The following STAG1 variants were observed in gnomAD, a reference collection of about 807,000 sequenced individuals.
STAG1 encodes STAG1 cohesin complex component.
STAG1 carries 26 observed loss-of-function variants against 170.9 expected under a neutral mutation model. The ratio of observed to expected loss-of-function variants is 0.15; its 90% CI spans 0.11 to 0.21. The LOEUF (loss-of-function observed/expected upper bound fraction) is 0.21. Ranked by LOEUF, STAG1 falls within the 10% of genes least tolerant of loss-of-function variation. The pLI, the probability that STAG1 is intolerant of heterozygous loss-of-function variation, is 1.00. For synonymous variants in STAG1, 514 were observed against 497.7 expected, an observed-to-expected ratio of 1.03 and a Z score of -0.44; for missense variants, 964 against 1,509.5, an observed-to-expected ratio of 0.64 and a Z score of 5.99.
At chr3:136,409,669 A>G (rs1005357537) in intron 21 of STAG1, among the ~76,000 whole-genome samples, 14 of 152,076 alleles carry the variant, frequency 9.2e-5, no homozygotes, top group African/African-American at 3.4e-4. Context: ...CGCCCCCTAC[A>G]TTACACTCAG....
At chr3:136,751,861 T>C (rs1935271332) in intron 1 of STAG1, among the ~76,000 whole-genome samples, 1 of 150,166 alleles carries the variant, frequency 6.7e-6, no homozygotes, top group Non-Finnish European at 1.5e-5. Flanking sequence ...CCACAAAGGC[T>C]TCCGCGCCTG....
intron 14 of STAG1, among the ~76,000 whole-genome samples, chr3:136,448,379 C>T (rs1022934073): frequency 1.3e-5 from 2 of 152,002 alleles, no homozygotes; most frequent in Non-Finnish European, 2.9e-5. Flanking sequence ...ACCGGGGACG[C>T]CTCACAATCA....
In STAG1 at chr3:136,398,829, T is replaced by C. The variant is rs771493308; in HGVS notation, c.2197A>G (p.Ile733Val). Residue 733 changes from isoleucine (I) to valine (V), a missense_variant and splice_region_variant, in exon 22 of 34, where the codon ATA becomes GTA. This residue lies in a region of STAG1 where 232 missense variants were observed against 313.0 expected (regional missense o/e 0.74). Coordinates refer to ENST00000383202, the MANE Select transcript of STAG1 (RefSeq NM_005862.3). The part of the protein sequence containing the change: ...GIEHGAMPEQ[I>V]VVQALQCSHY... ...GAACACTGCAGTGCTTGCACGACTATCTGTATCAAATGAAAAAAAATTTTT... is the reference window on the plus strand; with the variant it reads ...GAACACTGCAGTGCTTGCACGACTACCTGTATCAAATGAAAAAAAATTTTT... 4 of 1,552,954 alleles carry C rather than the reference T, an allele frequency of 2.6e-6. No individual in the cohort carries two copies. Among genetic ancestry groups the C allele is most frequent in the South Asian group, 2.5e-5 (2 of 80,046 alleles).
At chr3:136,453,653 G>A (rs1164039482) in intron 13 of STAG1, among the ~76,000 whole-genome samples, 1 of 151,482 alleles carries the variant, frequency 6.6e-6, no homozygotes, top group East Asian at 1.9e-4. Context: ...AGGTAAAAGG[G>A]AATCTTAGGA....
chr3:136,656,141 G>A (rs986292596), intron 1 of STAG1, among the ~76,000 whole-genome samples: 1 of 151,006 alleles, frequency 6.6e-6, no homozygotes, highest in East Asian at 1.9e-4. Flanking sequence ...TATGCTAAGT[G>A]AAATTAGCGA....
intron 1 of STAG1, among the ~76,000 whole-genome samples, chr3:136,691,896 G>C (rs1401416133): frequency 6.6e-6 from 1 of 152,162 alleles, no homozygotes; most frequent in Non-Finnish European, 1.5e-5. Context: ...CAGAACTTGA[G>C]AGAAATAGAA....
intron 13 of STAG1, among the ~76,000 whole-genome samples, chr3:136,457,499 A>G (rs376004855): frequency 3.3e-5 from 5 of 152,152 alleles, no homozygotes; most frequent in African/African-American, 1.2e-4. Flanking sequence ...ACCAATAAAT[A>G]GTGTGGGCTC....
chr3:136,504,918 A>G (rs1933677588), intron 7 of STAG1, among the ~76,000 whole-genome samples: 2 of 152,226 alleles, frequency 1.3e-5, no homozygotes, highest in South Asian at 4.1e-4. Flanking sequence ...AACATACTAA[A>G]ACAGACAAGA....
chr3:136,745,044 T>C (rs1256327434), intron 1 of STAG1, among the ~76,000 whole-genome samples: 1 of 152,114 alleles, frequency 6.6e-6, no homozygotes, highest in African/African-American at 2.4e-5. Flanking sequence ...AAAGTATTAT[T>C]TCATGAAACT....
chr3:136,475,106 T>G (rs186585801), intron 10 of STAG1, among the ~76,000 whole-genome samples: 53 of 151,906 alleles, frequency 3.5e-4, no homozygotes, highest in African/African-American at 1.3e-3. Flanking sequence ...GTTTCCTGCT[T>G]TGTCATACTT....
chr3:136,563,462 T>C (rs556765436), intron 5 of STAG1, among the ~76,000 whole-genome samples: 2 of 152,180 alleles, frequency 1.3e-5, no homozygotes, highest in South Asian at 2.1e-4. Context: ...TAAAACTATA[T>C]TCAAATTCAG....
chr3:136,534,115 C>G (rs757266926), intron 6 of STAG1, among the ~76,000 whole-genome samples: 13 of 152,102 alleles, frequency 8.5e-5, no homozygotes, highest in Non-Finnish European at 1.8e-4. Context: ...TATTTACAGC[C>G]AACTGATGTT....
intron 4 of STAG1, among the ~76,000 whole-genome samples, chr3:136,585,479 C>A (rs1485573579): frequency 6.6e-6 from 1 of 151,832 alleles, no homozygotes; most frequent in African/African-American, 2.4e-5. Flanking sequence ...ATTATCTGGG[C>A]ATGGTGGCCT....
At chr3:136,713,959 GGTTGCAGTGAGCCAAGATCGTGCC>G (rs1257225759) in intron 1 of STAG1, among the ~76,000 whole-genome samples, 1 of 152,060 alleles carries the variant, frequency 6.6e-6, no homozygotes, top group African/African-American at 2.4e-5. Context: ...AGGAGGCAGA[GGTTGCAGTGAGCCAAGATCGTGCC>G]GTTGCACTCC....
intron 29 of STAG1, chr3:136,348,778 C>A: frequency 4.5e-6 from 1 of 220,318 alleles, no homozygotes; most frequent in Non-Finnish European, 9.1e-6. Context: ...ATTCAATTTG[C>A]TGCAGAAATC....
chr3:136,618,580 G>A (rs1293690534), intron 3 of STAG1, among the ~76,000 whole-genome samples: 5 of 152,082 alleles, frequency 3.3e-5, no homozygotes, highest in African/African-American at 7.2e-5. Context: ...CTCACTAAGA[G>A]AAAAAAATCC....
chr3:136,449,217 C>T (rs2088867697), intron 14 of STAG1, among the ~76,000 whole-genome samples: 1 of 152,044 alleles, frequency 6.6e-6, no homozygotes, highest in South Asian at 2.1e-4. Context: ...TCATTAGAAT[C>T]AACCAGAAAC....
At chr3:136,688,502 C>T (rs1295886749) in intron 1 of STAG1, among the ~76,000 whole-genome samples, 1 of 152,184 alleles carries the variant, frequency 6.6e-6, no homozygotes, top group Non-Finnish European at 1.5e-5. Context: ...AGCAAGCCTC[C>T]TGCCTCAGCC....
Position 136,475,260 on chromosome 3 carries a change from T to C in STAG1, c.1027-1623A>G, listed in dbSNP as rs2089720752. ...CTCCCAGGTTCAAGTGATTCTCTTGTCTCAGCCTCCCGAGTAGCTGAAATT... is the reference window on the plus strand; with the variant it reads ...CTCCCAGGTTCAAGTGATTCTCTTGCCTCAGCCTCCCGAGTAGCTGAAATT... On this transcript the variant is annotated intron_variant, in intron 10 of 33. Coordinates refer to ENST00000383202, the MANE Select transcript of STAG1 (RefSeq NM_005862.3). 6.6e-5 allele frequency among the ~76,000 whole-genome samples: 10 copies of C among 151,152 alleles called. No homozygotes were observed. The South Asian group carries it at 2.1e-3, about 32-fold the overall frequency.
Sources: allele counts gnomAD v4.1 joint callset (sites outside exome capture counted in the v4.1 genomes callset), GRCh38; gene constraint gnomAD v4.1.1; regional missense constraint gnomAD v4.1.1; transcripts MANE v1.5; gene names NCBI Gene and HGNC (gene_info 2026-07-23, HGNC 2026-07-21).